The following PACS2 variants were observed in gnomAD, a reference collection of about 807,000 sequenced individuals.
The protein encoded by PACS2 is phosphofurin acidic cluster sorting protein 2.
Under a neutral mutation model 113.0 loss-of-function variants are expected in PACS2, and 36 were observed. The observed-to-expected ratio is 0.32, with a 90% CI of 0.24 to 0.42. PACS2 has a LOEUF of 0.42. Among genes scored for constraint, PACS2 ranks in the 10% least tolerant of loss-of-function variants. PACS2 has a pLI of 1.00. For synonymous variants in PACS2, 589 were observed against 536.1 expected, an observed-to-expected ratio of 1.10 and a Z score of -1.36; for missense variants, 1,015 against 1,239.5, an observed-to-expected ratio of 0.82 and a Z score of 2.72.
intron 4 of PACS2, among the ~76,000 whole-genome samples, chr14:105,360,957 A>G (rs1282056062): frequency 1.3e-5 from 2 of 152,214 alleles, no homozygotes; most frequent in African/African-American, 4.8e-5. Context: ...ATCCATGAGA[A>G]GCCACTTCTT....
At chr14:105,341,355 CTG>C (rs1566919223) in intron 1 of PACS2, among the ~76,000 whole-genome samples, 2 of 152,230 alleles carry the variant, frequency 1.3e-5, no homozygotes, top group Non-Finnish European at 2.9e-5. Flanking sequence ...ACAGATAACA[CTG>C]TGGGTATTCA....
intron 16 of PACS2, 76 bp from the exon 17 acceptor site, chr14:105,384,277 C>G: frequency 1.2e-6 from 1 of 865,468 alleles, no homozygotes; most frequent in South Asian, 1.5e-5. Flanking sequence ...TCGGGTGGCC[C>G]AGCTTTTGTG....
intron 1 of PACS2, among the ~76,000 whole-genome samples, chr14:105,321,988 G>A (rs1380055767): frequency 6.6e-6 from 1 of 151,506 alleles, no homozygotes; most frequent in Non-Finnish European, 1.5e-5. Context: ...CGCCAGGCTG[G>A]AGTACAGTCG....
intron 1 of PACS2, among the ~76,000 whole-genome samples, chr14:105,308,739 C>A (rs368906221): frequency 1.6e-4 from 24 of 152,108 alleles, no homozygotes; most frequent in African/African-American, 5.1e-4. Context: ...CCTCAGCCCC[C>A]CAAAGTGCTG....
chr14:105,323,739 G>T lies in PACS2; in HGVS notation c.119+8702G>T, dbSNP rs977776579. Among the ~76,000 whole-genome samples the T allele has an allele frequency of 2.6e-5, 4 of 152,196 alleles. No homozygotes were observed. The highest frequency in any genetic ancestry group is 4.8e-5 in the African/African-American group (2 of 41,446). ...GGGACAGGGCTTTCGGAGGTGGTCTGCAGTGATCCAGGGAAGATGGGCTGC... is the reference window on the plus strand; with the variant it reads ...GGGACAGGGCTTTCGGAGGTGGTCTTCAGTGATCCAGGGAAGATGGGCTGC... On this transcript the variant is annotated intron_variant, in intron 1 of 24. Coordinates refer to ENST00000447393, the MANE Select transcript of PACS2 (RefSeq NM_001100913.3). This position sits in a 1 kb window ranked among gnomAD's most constrained non-coding sequence, Gnocchi z 4.1.
At chr14:105,385,864 G>A in intron 19 of PACS2, 147 bp downstream of exon 19, 1 of 499,936 alleles carries the variant, frequency 2.0e-6, no homozygotes, top group East Asian at 3.3e-5. Context: ...CAGGCTGAGA[G>A]CCCGCACGGG....
rs2081499753 is a variant in PACS2, at chr14:105,395,238, T to C, written c.*566T>C. ...ATTTTTAATGCTTTTCAATACATGT[T>C]CTAATGTAGCTGCCAAACATGTTGC... On this transcript the variant is annotated 3_prime_UTR_variant, in exon 25 of 25. Coordinates refer to ENST00000447393, the MANE Select transcript of PACS2 (RefSeq NM_001100913.3). 6.5e-6 allele frequency: 1 copy of C among 152,698 alleles called. No individual in the cohort carries two copies. Among genetic ancestry groups the C allele is most frequent in the Non-Finnish European group, 1.5e-5 (1 of 68,378 alleles). 9.5% of individuals were successfully genotyped at this position (152,698 alleles called of 1,614,324 possible).
chr14:105,387,229 G>A (rs3934979), intron 19 of PACS2, among the ~76,000 whole-genome samples: 8,155 of 152,260 alleles, frequency 0.054, 732 homozygotes, highest in African/African-American at 0.18. Context: ...CCCTTGTGAC[G>A]GGGGACCTGT....
In PACS2 at chr14:105,389,997, T is replaced by C; in HGVS notation, c.2070T>C (p.Phe690=). Residue 690 remains phenylalanine (F), a synonymous_variant, in exon 20 of 25, where the codon TTT becomes TTC. Transcript: ENST00000447393. ...AGTCCTCCCAAAAGTTCATTCCCTT[T>C]GTCGGGGTGAGTACTGGCCAGCTTT... The part of the protein sequence containing the change: ...DEESSQKFIP[F]VGVVKVGIVE... 6.2e-7 allele frequency: 1 copy of C among 1,613,926 alleles called. No homozygotes were observed. The highest frequency in any genetic ancestry group is 8.5e-7 in the Non-Finnish European group (1 of 1,179,852).
At chr14:105,346,458 C>T (rs1341918086) in intron 1 of PACS2, among the ~76,000 whole-genome samples, 2 of 150,788 alleles carry the variant, frequency 1.3e-5, no homozygotes, top group South Asian at 2.1e-4. Context: ...CCTGCATGCA[C>T]GGCTCCCCCA....
chr14:105,315,079 C>T lies in PACS2; in HGVS notation c.119+42C>T. On this transcript the variant is annotated intron_variant, in intron 1 of 24. Transcript: ENST00000447393. The surrounding 1 kb of genome is among the most constrained non-coding windows in gnomAD (Gnocchi z 4.4). Reference sequence around the variant, plus strand: ...GCGCTTTGTTCCCGCCGGGCACCTGCTGGGGGTGTCCTGGCCGCGGCCTCT... The same window carrying T: ...GCGCTTTGTTCCCGCCGGGCACCTGTTGGGGGTGTCCTGGCCGCGGCCTCT... 1 of 1,089,154 alleles carries T rather than the reference C, an allele frequency of 9.2e-7. No homozygotes were observed. The allele number at this position is 1,089,154 out of a possible 1,614,324, so 67.5% of individuals were successfully genotyped here. A position where few individuals can be genotyped will look rare whatever the true frequency, so the allele number is the denominator to read the frequency against.
chr14:105,390,457 C>T, intron 20 of PACS2: 1 of 186,512 alleles, frequency 5.4e-6, no homozygotes, highest in East Asian at 1.3e-4. Context: ...TTCTGCCAGC[C>T]AGGCCATCTC....
intron 8 of PACS2, among the ~76,000 whole-genome samples, chr14:105,373,613 C>T (rs1255719122): frequency 1.3e-5 from 2 of 152,072 alleles, no homozygotes; most frequent in African/African-American, 2.4e-5. Flanking sequence ...ATAGTGAAAT[C>T]GCATCTCTAC....
In PACS2 at chr14:105,354,206, C is replaced by T. The variant is rs587603223; in HGVS notation, c.298-846C>T. Among the ~76,000 whole-genome samples, 5 of 152,228 alleles carry T rather than the reference C, an allele frequency of 3.3e-5. No individual in the cohort carries two copies. The highest frequency in any genetic ancestry group is 2.1e-4 in the South Asian group (1 of 4,816). On this transcript the variant is annotated intron_variant, in intron 3 of 24. Coordinates refer to ENST00000447393, the MANE Select transcript of PACS2 (RefSeq NM_001100913.3). The surrounding 1 kb of genome is among the most constrained non-coding windows in gnomAD (Gnocchi z 4.2). ...GAGTTCACAAGCAATCCCAGCTCTT[C>T]GGGAGGCTGAGGCAGGAGGATTGCT...
In PACS2 at chr14:105,380,942, G is replaced by C. The variant is rs370887853; in HGVS notation, c.1126-15G>C. ...GGTTTCCACGGGAGGCTCCAGGCCC[G>C]TCTCTGCTCAGCAGGGTGTGCCAGG... On this transcript the variant is annotated splice_polypyrimidine_tract_variant and intron_variant, in intron 11 of 24. Transcript: ENST00000447393. 1.9e-6 allele frequency: 3 copies of C among 1,604,088 alleles called. No individual in the cohort carries two copies. Among genetic ancestry groups the C allele is most frequent in the Non-Finnish European group, 2.6e-6 (3 of 1,174,430 alleles).
Position 105,340,993 on chromosome 14 carries a change from G to C in PACS2, c.120-7500G>C, listed in dbSNP as rs781915098. Among the ~76,000 whole-genome samples, 1 of 152,262 alleles carries C rather than the reference G, an allele frequency of 6.6e-6. No homozygotes were observed. The highest frequency in any genetic ancestry group is 2.4e-5 in the African/African-American group (1 of 41,476). ...GGGAGGCTCGCTACCAAGGGGTGGG[G>C]GGCTGGAGAACGGAGCTTGGAGACA... On this transcript the variant is annotated intron_variant, in intron 1 of 24. Transcript: ENST00000447393. This position sits in a 1 kb window ranked among gnomAD's most constrained non-coding sequence, Gnocchi z 4.2.
In PACS2 at chr14:105,392,936, G is replaced by A. The variant is rs111780947; in HGVS notation, c.2482+91G>A. ...GCAGTCAACAGGGATGACAGCCCCC[G>A]GGCTGGCCTCGGGCAGCCCACATGC... On this transcript the variant is annotated intron_variant, in intron 23 of 24. Coordinates refer to ENST00000447393, the MANE Select transcript of PACS2 (RefSeq NM_001100913.3). 7.9e-5 allele frequency: 86 copies of A among 1,085,284 alleles called. 1 individual carries two copies. Among genetic ancestry groups the A allele is most frequent in the Admixed American group, 7.1e-4 (37 of 52,274 alleles). The allele number at this position is 1,085,284 out of a possible 1,614,324, so 67.2% of individuals were successfully genotyped here. A position where few individuals can be genotyped will look rare whatever the true frequency, so the allele number is the denominator to read the frequency against.
chr14:105,319,008 C>T (rs940025034), intron 1 of PACS2, among the ~76,000 whole-genome samples: 9 of 147,664 alleles, frequency 6.1e-5, no homozygotes, highest in Non-Finnish European at 1.2e-4. Context: ...AGTGCAGTGG[C>T]ACGATCTCAG....
At chr14:105,338,303 G>C (rs2059601520) in intron 1 of PACS2, among the ~76,000 whole-genome samples, 1 of 152,182 alleles carries the variant, frequency 6.6e-6, no homozygotes, top group Non-Finnish European at 1.5e-5. Flanking sequence ...TGCTGAGTCA[G>C]GTTTCTCTGA....
Sources: allele counts gnomAD v4.1 joint callset (sites outside exome capture counted in the v4.1 genomes callset), GRCh38; gene constraint gnomAD v4.1.1; non-coding constraint Gnocchi (gnomAD v3.1); transcripts MANE v1.5; gene names NCBI Gene and HGNC (gene_info 2026-07-23, HGNC 2026-07-21).